SLC24A3: variants seen among roughly 807,000 people sequenced by gnomAD.
SLC24A3 encodes the protein solute carrier family 24 member 3, also known as sodium/potassium/calcium exchanger 3.
A neutral mutation model predicts 75.8 loss-of-function variants in SLC24A3; 28 were observed. That is an observed-to-expected ratio of 0.37 (90% confidence interval 0.27 to 0.51). The LOEUF (loss-of-function observed/expected upper bound fraction) is 0.51, where lower values mean the gene tolerates loss of function less well. Ranked by LOEUF, SLC24A3 falls within the 20% of genes least tolerant of loss-of-function variation. The pLI is 0.94. For missense variants in SLC24A3, 663 were observed against 847.8 expected (o/e 0.78, Z 2.71); for synonymous variants, 372 against 334.1 (o/e 1.11, Z -1.24).
At position 19,313,171 on chromosome 20, in the gene SLC24A3, G is replaced by A. The variant is rs375959541; in HGVS notation, c.271+32084G>A. On this transcript the variant is annotated intron_variant, in intron 2 of 16. Transcript: ENST00000328041. ...TCCCCCTCAGACTCCCGAGTAGCTG[G>A]GATTATAGGCACCCGCCAGCATGCC... Among the ~76,000 whole-genome samples, 168 of 151,516 alleles carry A rather than the reference G, an allele frequency of 1.1e-3. 1 individual carries two copies. The highest frequency in any genetic ancestry group is 3.4e-3 in the African/African-American group (139 of 41,282).
At chr20:19,498,799 G>A (rs997242179) in intron 2 of SLC24A3, among the ~76,000 whole-genome samples, 1 of 152,160 alleles carries the variant, frequency 6.6e-6, no homozygotes, top group Non-Finnish European at 1.5e-5. Flanking sequence ...TTTAAGACTG[G>A]TTAAATCTTT....
intron 8 of SLC24A3, 67 bp downstream of exon 8, chr20:19,665,956 C>G: frequency 6.5e-7 from 1 of 1,535,610 alleles, no homozygotes; most frequent in African/African-American, 1.4e-5. Context: ...TATTGAAGAC[C>G]AGTGTTGGGA....
chr20:19,452,419 TG>T (rs1987501945), intron 2 of SLC24A3, among the ~76,000 whole-genome samples: 1 of 139,408 alleles, frequency 7.2e-6, no homozygotes, highest in African/African-American at 3.1e-5. Flanking sequence ...TGTGTGTGTG[TG>T]TGTGTTGGGG....
intron 10 of SLC24A3, among the ~76,000 whole-genome samples, chr20:19,683,160 T>C (rs2032634306): frequency 6.6e-6 from 1 of 152,224 alleles, no homozygotes; most frequent in Non-Finnish European, 1.5e-5. Flanking sequence ...TTCTGAATGA[T>C]TATACATATG....
At chr20:19,303,551 G>A (rs544193965) in intron 2 of SLC24A3, among the ~76,000 whole-genome samples, 17 of 152,234 alleles carry the variant, frequency 1.1e-4, no homozygotes, top group African/African-American at 3.9e-4. Context: ...TGGATCAAAT[G>A]GTATTTCTGT....
At chr20:19,313,669 G>A (rs1213229642) in intron 2 of SLC24A3, among the ~76,000 whole-genome samples, 1 of 152,188 alleles carries the variant, frequency 6.6e-6, no homozygotes, top group Non-Finnish European at 1.5e-5. Context: ...CTAAGAATCC[G>A]AGGCATTAAA....
At chr20:19,332,440 AT>A (rs1480024329) in intron 2 of SLC24A3, among the ~76,000 whole-genome samples, 1 of 151,846 alleles carries the variant, frequency 6.6e-6, no homozygotes, top group Non-Finnish European at 1.5e-5. Flanking sequence ...ATCTTTTTTT[AT>A]TTCTTTTATA....
intron 3 of SLC24A3, among the ~76,000 whole-genome samples, chr20:19,563,815 G>A (rs1270247610): frequency 3.3e-5 from 5 of 152,152 alleles, no homozygotes; most frequent in Non-Finnish European, 7.4e-5. Context: ...TCTTTTAAAA[G>A]CACAATGTTG....
intron 2 of SLC24A3, among the ~76,000 whole-genome samples, chr20:19,282,145 G>T (rs187392408): frequency 6.6e-6 from 1 of 152,300 alleles, no homozygotes; most frequent in African/African-American, 2.4e-5. Context: ...GAGTACAGAA[G>T]ACATGTCAGA....
At chr20:19,544,276 A>G (rs1446278452) in intron 3 of SLC24A3, among the ~76,000 whole-genome samples, 1 of 152,164 alleles carries the variant, frequency 6.6e-6, no homozygotes, top group Middle Eastern at 3.2e-3. Context: ...ATCCTTCCTC[A>G]AGGACCCCTG....
intron 6 of SLC24A3, among the ~76,000 whole-genome samples, chr20:19,651,676 G>A (rs1331265844): frequency 2.0e-5 from 3 of 151,898 alleles, no homozygotes; most frequent in South Asian, 2.1e-4. Context: ...TGGCTAACAC[G>A]GTGAAACCCT....
At chr20:19,379,480 G>A (rs1010002048) in intron 2 of SLC24A3, among the ~76,000 whole-genome samples, 3 of 152,118 alleles carry the variant, frequency 2.0e-5, no homozygotes, top group South Asian at 2.1e-4. Flanking sequence ...TGATAAGCCC[G>A]AGTCTCACCA....
chr20:19,325,811 G>T (rs1212003763), intron 2 of SLC24A3, among the ~76,000 whole-genome samples: 69 of 98,020 alleles, frequency 7.0e-4, no homozygotes, highest in African/African-American at 2.1e-3. Flanking sequence ...GAGAGAGAGA[G>T]AGAGAGAGAG....
chr20:19,643,107 T>C (rs1447582155), intron 6 of SLC24A3, among the ~76,000 whole-genome samples: 2 of 152,184 alleles, frequency 1.3e-5, no homozygotes, highest in Admixed American at 1.3e-4. Flanking sequence ...ATCAGTATCC[T>C]TGAGTATAAA....
intron 2 of SLC24A3, among the ~76,000 whole-genome samples, chr20:19,308,783 C>T (rs952605448): frequency 2.6e-5 from 4 of 152,278 alleles, no homozygotes; most frequent in Admixed American, 2.0e-4. Flanking sequence ...GTTGGGATAT[C>T]GTTTCTGCCT....
intron 2 of SLC24A3, among the ~76,000 whole-genome samples, chr20:19,293,980 A>G (rs1453995016): frequency 2.0e-5 from 3 of 152,166 alleles, no homozygotes; most frequent in African/African-American, 7.2e-5. Flanking sequence ...ATAAAATGGC[A>G]TAGCATTTGC....
intron 6 of SLC24A3, among the ~76,000 whole-genome samples, chr20:19,639,463 C>A (rs1308584294): frequency 6.6e-6 from 1 of 152,220 alleles, no homozygotes; most frequent in African/African-American, 2.4e-5. Context: ...TATTTACAAA[C>A]CTTGAGCTAG....
intron 2 of SLC24A3, among the ~76,000 whole-genome samples, chr20:19,349,960 CA>C (rs893670487): frequency 3.9e-5 from 6 of 152,196 alleles, no homozygotes; most frequent in African/African-American, 1.4e-4. Flanking sequence ...ACTCATGTCA[CA>C]AGACTAATCC....
At chr20:19,332,704 T>TG (rs1431254338) in intron 2 of SLC24A3, among the ~76,000 whole-genome samples, 1 of 152,146 alleles carries the variant, frequency 6.6e-6, no homozygotes, top group African/African-American at 2.4e-5. Flanking sequence ...GAAGGGTATT[T>TG]GGGGGTTCCC....
Sources: gnomAD v4.1 joint callset for allele counts (sites outside exome capture counted in the v4.1 genomes callset) on GRCh38, gnomAD v4.1.1 for gene constraint, MANE v1.5 for transcripts, NCBI Gene and HGNC (gene_info 2026-07-23, HGNC 2026-07-21) for gene names.